ADAM32: variants seen among roughly 807,000 people sequenced by gnomAD.
The protein encoded by ADAM32 is disintegrin and metalloproteinase domain-containing protein 32.
ADAM32 carries 89 observed loss-of-function variants against 114.9 expected under a neutral mutation model. That is an observed-to-expected ratio of 0.77 (90% CI 0.65 to 0.92). The LOEUF is 0.92. Among genes scored for constraint, ADAM32 ranks in the 40% least tolerant of loss-of-function variants. The probability of loss-of-function intolerance (pLI) is 0.00; values close to 1 mark genes in which losing one functional copy is unlikely to be tolerated. For missense variants in ADAM32, 870 were observed against 932.8 expected, an observed-to-expected ratio of 0.93 and a Z score of 0.88; for synonymous variants, 285 against 307.5, an observed-to-expected ratio of 0.93 and a Z score of 0.77.
At chr8:39,122,151 T>A (rs897382541) in intron 2 of ADAM32, among the ~76,000 whole-genome samples, 6 of 152,160 alleles carry the variant, frequency 3.9e-5, no homozygotes, top group African/African-American at 1.2e-4. Flanking sequence ...GACATTTAGA[T>A]GAAATTTTGA....
At chr8:39,122,477 G>A (rs1038121805) in intron 2 of ADAM32, among the ~76,000 whole-genome samples, 3 of 152,108 alleles carry the variant, frequency 2.0e-5, no homozygotes, top group African/African-American at 7.2e-5. Context: ...TGAGAAAAGA[G>A]CTACCTACAC....
chr8:39,266,143 G>A (rs1812335978), intron 19 of ADAM32, among the ~76,000 whole-genome samples: 1 of 152,014 alleles, frequency 6.6e-6, no homozygotes, highest in Admixed American at 6.6e-5. Flanking sequence ...ATGTGTCTTG[G>A]GGATGGTCAT....
intron 10 of ADAM32, among the ~76,000 whole-genome samples, chr8:39,173,090 G>A (rs1363065764): frequency 3.3e-5 from 5 of 152,106 alleles, no homozygotes; most frequent in African/African-American, 4.8e-5. Flanking sequence ...AAACCTTGTC[G>A]CTACTAACAA....
At chr8:39,182,549 T>C (rs4733988) in intron 10 of ADAM32, among the ~76,000 whole-genome samples, 36,462 of 152,122 alleles carry the variant, frequency 0.24, 4,853 homozygotes, top group Non-Finnish European at 0.29. Context: ...TTCACTCTCT[T>C]AGCATTTTTC....
At chr8:39,146,895 A>C (rs1470185748) in intron 3 of ADAM32, among the ~76,000 whole-genome samples, 4 of 152,198 alleles carry the variant, frequency 2.6e-5, no homozygotes, top group Non-Finnish European at 5.9e-5. Context: ...TCAGATAGTA[A>C]ATGTTTTAGA....
At chr8:39,242,088 G>T (rs59851050) in intron 16 of ADAM32, among the ~76,000 whole-genome samples, 1 of 152,100 alleles carries the variant, frequency 6.6e-6, no homozygotes, top group Non-Finnish European at 1.5e-5. Flanking sequence ...ACAAAATGCT[G>T]CCAGTCTCTG....
At chr8:39,227,341 T>C (rs967051219) in intron 14 of ADAM32, among the ~76,000 whole-genome samples, 3 of 152,124 alleles carry the variant, frequency 2.0e-5, no homozygotes, top group African/African-American at 7.2e-5. Flanking sequence ...CAGGGGTAGA[T>C]GAAGCAGGAG....
chr8:39,122,002 G>A (rs1334394755), intron 2 of ADAM32, among the ~76,000 whole-genome samples: 1 of 152,136 alleles, frequency 6.6e-6, no homozygotes, highest in East Asian at 1.9e-4. Flanking sequence ...TTGTTGGCAT[G>A]GGAATAGCTA....
At chr8:39,222,741 T>C (rs893783117) in intron 13 of ADAM32, among the ~76,000 whole-genome samples, 1 of 152,100 alleles carries the variant, frequency 6.6e-6, no homozygotes, top group East Asian at 1.9e-4. Flanking sequence ...AAGAAATAAA[T>C]TTCCTAAGCT....
rs76496528 is a variant in ADAM32, at chr8:39,111,106, T to A, written c.58+3273T>A. Among the ~76,000 whole-genome samples, 1,301 of 152,334 alleles carry A rather than the reference T, an allele frequency of 8.5e-3. 29 individuals carry two copies. Among genetic ancestry groups the A allele is most frequent in the African/African-American group, 0.03 (1,250 of 41,574 alleles). ...CTTTTTGTGACTGAATAATATTTCA[T>A]TGTATATATTCACCCGTTTGTTTAC... On this transcript the variant is annotated intron_variant, in intron 1 of 24. Coordinates refer to ENST00000379907, the MANE Select transcript of ADAM32 (RefSeq NM_145004.7).
intron 18 of ADAM32, among the ~76,000 whole-genome samples, chr8:39,254,852 T>C (rs1211524381): frequency 6.6e-6 from 1 of 151,850 alleles, no homozygotes; most frequent in Non-Finnish European, 1.5e-5. Flanking sequence ...TAGTCTTTTA[T>C]ACCTCACCTA....
intron 9 of ADAM32, 130 bp downstream of exon 9, chr8:39,165,326 G>A: frequency 8.8e-6 from 6 of 680,856 alleles, no homozygotes; most frequent in Non-Finnish European, 1.1e-5. Flanking sequence ...CTTTATTCAG[G>A]CTTTATGCTC....
chr8:39,245,301 G>C (rs917251919), intron 16 of ADAM32, among the ~76,000 whole-genome samples: 5 of 152,218 alleles, frequency 3.3e-5, no homozygotes, highest in South Asian at 2.1e-4. Context: ...TGGGGACTTG[G>C]GGGGAAGGGT....
At position 39,149,768 on chromosome 8, in the gene ADAM32, A is replaced by G. The variant is rs1208252746; in HGVS notation, c.277-23A>G. Reference sequence around the variant, plus strand: ...AAGTTTTGTTACTTCCTAAGTGACTACTTTACTTTTTTTCTTTCCTAGACT... The same window carrying G: ...AAGTTTTGTTACTTCCTAAGTGACTGCTTTACTTTTTTTCTTTCCTAGACT... On this transcript the variant is annotated intron_variant, in intron 4 of 24. Transcript: ENST00000379907. 5 of 1,550,164 alleles carry G rather than the reference A, an allele frequency of 3.2e-6. No individual in the cohort carries two copies. In the East Asian group the frequency reaches 9.0e-5, roughly 28 times the overall value.
chr8:39,188,605 C>T (rs1361224422), intron 11 of ADAM32, among the ~76,000 whole-genome samples: 1 of 152,192 alleles, frequency 6.6e-6, no homozygotes, highest in South Asian at 2.1e-4. Flanking sequence ...TATTAACTTA[C>T]TTGATTCTCA....
intron 17 of ADAM32, among the ~76,000 whole-genome samples, chr8:39,249,487 T>C (rs1432029704): frequency 6.6e-6 from 1 of 152,174 alleles, no homozygotes; most frequent in Admixed American, 6.5e-5. Context: ...GGTTTTGATG[T>C]TAGGGTAAGG....
At chr8:39,117,636 TACATAAC>T (rs1461273390) in intron 1 of ADAM32, among the ~76,000 whole-genome samples, 3 of 152,086 alleles carry the variant, frequency 2.0e-5, no homozygotes, top group Non-Finnish European at 4.4e-5. Context: ...TCTCCCCTTA[TACATAAC>T]ATGATTTTCT....
chr8:39,157,693 G>T, intron 6 of ADAM32: 1 of 882,880 alleles, frequency 1.1e-6, no homozygotes, highest in Non-Finnish European at 1.8e-6. Flanking sequence ...TCTGCATCAA[G>T]ACTTGTGGAG....
At chr8:39,242,709 A>C (rs1243096516) in intron 16 of ADAM32, among the ~76,000 whole-genome samples, 1 of 152,222 alleles carries the variant, frequency 6.6e-6, no homozygotes, top group Admixed American at 6.5e-5. Context: ...CAGCCAAACC[A>C]TAACAGTCAT....
Sources: gnomAD v4.1 joint callset for allele counts (sites outside exome capture counted in the v4.1 genomes callset) on GRCh38, gnomAD v4.1.1 for gene constraint, MANE v1.5 for transcripts, NCBI Gene and HGNC (gene_info 2026-07-23, HGNC 2026-07-21) for gene names.